Variants in PPP1R16B observed in about 807,000 individuals in gnomAD.
PPP1R16B encodes protein phosphatase 1 regulatory subunit 16B.
In PPP1R16B, 14 loss-of-function variants were observed where a neutral mutation model predicts 61.7. The ratio of observed to expected loss-of-function variants is 0.23; its 90% confidence interval spans 0.15 to 0.35. The LOEUF (loss-of-function observed/expected upper bound fraction) is 0.35. Among genes scored for constraint, PPP1R16B ranks in the 10% least tolerant of loss-of-function variants. The probability of loss-of-function intolerance (pLI) is 1.00; values close to 1 mark genes in which losing one functional copy is unlikely to be tolerated. For synonymous variants in PPP1R16B, 266 were observed against 305.3 expected (o/e 0.87, Z 1.34); for missense variants, 547 against 752.5 (o/e 0.73, Z 3.19).
At chr20:38,899,474 C>G (rs551414352) in intron 4 of PPP1R16B, among the ~76,000 whole-genome samples, 12 of 152,312 alleles carry the variant, frequency 7.9e-5, no homozygotes, top group African/African-American at 2.6e-4. Context: ...GTGAAGCCCA[C>G]CCAAGATGCT....
chr20:38,810,583 T>C (rs765962101), intron 1 of PPP1R16B, among the ~76,000 whole-genome samples: 1 of 152,204 alleles, frequency 6.6e-6, no homozygotes, highest in Non-Finnish European at 1.5e-5. Context: ...GTTTCTCTCT[T>C]CCTGGGACTC....
rs139805235 is a variant in PPP1R16B at position 38,828,602 on chromosome 20, T to G, written c.-101-7223T>G. On this transcript the variant is annotated intron_variant, in intron 1 of 10. Transcript: ENST00000299824. ...CATTGGTTTCATCCAAAAGCCAGCT[T>G]CCTGCAGGGATGGTGGCAACAAGGC... Among the ~76,000 whole-genome samples the G allele has an allele frequency of 3.5e-3, 536 of 152,352 alleles. 4 individuals carry two copies. The highest frequency in any genetic ancestry group is 0.012 in the African/African-American group (503 of 41,582).
chr20:38,814,805 G>A (rs1325418924), intron 1 of PPP1R16B, among the ~76,000 whole-genome samples: 1 of 152,174 alleles, frequency 6.6e-6, no homozygotes, highest in Non-Finnish European at 1.5e-5. Flanking sequence ...CTCTTAGTCA[G>A]AACTGCCTTT....
chr20:38,835,717 G>T, intron 1 of PPP1R16B, 108 bp from the exon 2 acceptor site: 1 of 591,148 alleles, frequency 1.7e-6, no homozygotes, highest in Non-Finnish European at 2.9e-6. Flanking sequence ...GAGGAGCAAT[G>T]GAAGGAAAAC....
intron 2 of PPP1R16B, among the ~76,000 whole-genome samples, chr20:38,850,641 A>G (rs948513896): frequency 1.3e-5 from 2 of 152,210 alleles, no homozygotes; most frequent in African/African-American, 4.8e-5. Context: ...TTAGAAACAC[A>G]GTCATAGGCC....
intron 7 of PPP1R16B, 90 bp from the exon 8 acceptor site, chr20:38,906,889 A>C (rs2085447921): frequency 9.4e-7 from 1 of 1,061,844 alleles, no homozygotes; most frequent in Admixed American, 1.9e-5. Flanking sequence ...TCTTTGGGTC[A>C]CATCCTAAGA....
chr20:38,832,171 A>T (rs1413262117), intron 1 of PPP1R16B, among the ~76,000 whole-genome samples: 1 of 152,154 alleles, frequency 6.6e-6, no homozygotes, highest in African/African-American at 2.4e-5. Flanking sequence ...AAATGACTTA[A>T]TCACTCTGTG....
intron 2 of PPP1R16B, among the ~76,000 whole-genome samples, chr20:38,888,455 C>G (rs1351075907): frequency 6.6e-6 from 1 of 152,228 alleles, no homozygotes; most frequent in Non-Finnish European, 1.5e-5. Context: ...CTTTGGGAAG[C>G]TGGATCCAGG....
intron 2 of PPP1R16B, among the ~76,000 whole-genome samples, chr20:38,874,186 A>T (rs2085150386): frequency 2.0e-5 from 3 of 152,142 alleles, no homozygotes. Context: ...ACAATGCCCA[A>T]ACTGCCCTTT....
In PPP1R16B at chr20:38,892,045, G is replaced by A. The variant is rs147765973; in HGVS notation, c.321+2380G>A. On this transcript the variant is annotated intron_variant, in intron 3 of 10. Transcript: ENST00000299824. ...GAAACAGTGGCTGTCTTATTATACCGTGCAACTTGGGGAGGTGAAATCTCT... is the reference window on the plus strand; with the variant it reads ...GAAACAGTGGCTGTCTTATTATACCATGCAACTTGGGGAGGTGAAATCTCT... Among the ~76,000 whole-genome samples the A allele has an allele frequency of 2.0e-3, 294 of 150,618 alleles. 1 individual carries two copies. The highest frequency in any genetic ancestry group is 6.7e-3 in the African/African-American group (276 of 41,020).
At position 38,841,353 on chromosome 20, in the gene PPP1R16B, GAAAAAAAAAAAAAA is replaced by G. The variant is rs34203271; in HGVS notation, c.250+5193_250+5206del. 8.8e-3 allele frequency among the ~76,000 whole-genome samples: 377 copies of G among 42,600 alleles called. 3 individuals are homozygous for G. The highest frequency in any genetic ancestry group is 0.014 in the Non-Finnish European group (287 of 20,848). The allele number at this position is 42,600 out of a possible 152,430, so 27.9% of individuals were successfully genotyped here. A position where few individuals can be genotyped will look rare whatever the true frequency, so the allele number is the denominator to read the frequency against. On this transcript the variant is annotated intron_variant, in intron 2 of 10. Transcript: ENST00000299824. ...CCAGCCTGGAGAGCCTGTCTGTACT[GAAAAAAAAAAAAAA>G]AAAAAAAAAAAAAAGCCAGCCGTGG...
intron 3 of PPP1R16B, among the ~76,000 whole-genome samples, chr20:38,892,711 G>A (rs1372085363): frequency 6.6e-6 from 1 of 152,098 alleles, no homozygotes; most frequent in African/African-American, 2.4e-5. Flanking sequence ...CTTAAAACTG[G>A]GAACCGATGA....
At chr20:38,840,891 G>A (rs1272160451) in intron 2 of PPP1R16B, among the ~76,000 whole-genome samples, 1 of 152,198 alleles carries the variant, frequency 6.6e-6, no homozygotes, top group Non-Finnish European at 1.5e-5. Flanking sequence ...GTTAAATTAA[G>A]TTGATAAATG....
At position 38,835,813 on chromosome 20, in the gene PPP1R16B, TC is replaced by T; in HGVS notation, c.-101-9del. 1 of 1,274,282 alleles carries T rather than the reference TC, an allele frequency of 7.8e-7. No individual in the cohort carries two copies. The highest frequency in any genetic ancestry group is 1.0e-6 in the Non-Finnish European group (1 of 952,672). 78.9% of individuals were successfully genotyped at this position (1,274,282 alleles called of 1,614,324 possible). A position where few individuals can be genotyped will look rare whatever the true frequency, so the allele number is the denominator to read the frequency against. On this transcript the variant is annotated splice_polypyrimidine_tract_variant and intron_variant, in intron 1 of 10. Transcript: ENST00000299824. ...ACACATGTGTTCATCTGTGTCTCCC[TC>T]CCTGCCACAGGCCACACCATGAGGC...
chr20:38,891,938 C>T (rs2867239), intron 3 of PPP1R16B, among the ~76,000 whole-genome samples: 9 of 152,034 alleles, frequency 5.9e-5, no homozygotes, highest in Non-Finnish European at 1.0e-4. Context: ...ACCAGCCACA[C>T]GCGGATCCAC....
At chr20:38,897,481 C>G (rs1311957367) in intron 4 of PPP1R16B, among the ~76,000 whole-genome samples, 2 of 152,166 alleles carry the variant, frequency 1.3e-5, no homozygotes, top group African/African-American at 4.8e-5. Context: ...GTCTATACCA[C>G]GTTTCACTTA....
intron 1 of PPP1R16B, among the ~76,000 whole-genome samples, chr20:38,819,631 C>G (rs890425902): frequency 2.0e-5 from 3 of 152,098 alleles, no homozygotes; most frequent in Non-Finnish European, 2.9e-5. Context: ...ACTTTCTGCT[C>G]CAAGAAATAG....
At chr20:38,902,892 C>T (rs937503472) in intron 6 of PPP1R16B, 100 bp downstream of exon 6, 14 of 1,535,342 alleles carry the variant, frequency 9.1e-6, no homozygotes, top group Non-Finnish European at 1.2e-5. Context: ...CTGTCTGTGA[C>T]CTTGGACCTC....
intron 2 of PPP1R16B, among the ~76,000 whole-genome samples, chr20:38,876,653 T>G (rs1221023463): frequency 6.6e-6 from 1 of 152,162 alleles, no homozygotes; most frequent in Non-Finnish European, 1.5e-5. Flanking sequence ...ATGGTTTGTA[T>G]TATTGTTGCT....
Sources: gnomAD v4.1 joint callset for allele counts (sites outside exome capture counted in the v4.1 genomes callset) on GRCh38, gnomAD v4.1.1 for gene constraint, MANE v1.5 for transcripts, NCBI Gene and HGNC (gene_info 2026-07-23, HGNC 2026-07-21) for gene names.